The following ADGRL3 variants were observed in gnomAD, a reference collection of about 807,000 sequenced individuals.
ADGRL3 encodes calcium-independent alpha-latrotoxin receptor 3.
Under a neutral mutation model 153.5 loss-of-function variants are expected in ADGRL3, and 62 were observed. The ratio of observed to expected loss-of-function variants is 0.40; its 90% confidence interval spans 0.33 to 0.50. ADGRL3 has a LOEUF of 0.50. Among genes scored for constraint, ADGRL3 ranks in the 20% least tolerant of loss-of-function variants. The pLI is 0.47. For missense variants in ADGRL3, 1,641 were observed against 1,859.4 expected, an observed-to-expected ratio of 0.88 and a Z score of 2.16; for synonymous variants, 710 against 672.5, an observed-to-expected ratio of 1.06 and a Z score of -0.86.
chr4:61,529,440 T>G (rs2098598450), intron 4 of ADGRL3, among the ~76,000 whole-genome samples: 1 of 152,218 alleles, frequency 6.6e-6, no homozygotes, highest in South Asian at 2.1e-4. Context: ...CACCTGCTAT[T>G]CTGCAGTAAT....
intron 1 of ADGRL3, among the ~76,000 whole-genome samples, chr4:61,309,318 G>T (rs1024739450): frequency 1.3e-5 from 2 of 151,902 alleles, no homozygotes; most frequent in Non-Finnish European, 2.9e-5. Flanking sequence ...TGGGGATTTG[G>T]GTCAAGTCAT....
At chr4:61,270,265 G>A (rs948771989) in intron 1 of ADGRL3, among the ~76,000 whole-genome samples, 1 of 151,680 alleles carries the variant, frequency 6.6e-6, no homozygotes, top group Non-Finnish European at 1.5e-5. Context: ...TGTAGGCTCT[G>A]TAAGTGCCAG....
chr4:62,057,716 C>T (rs1158418337), intron 25 of ADGRL3, among the ~76,000 whole-genome samples: 3 of 152,166 alleles, frequency 2.0e-5, no homozygotes, highest in Non-Finnish European at 4.4e-5. Context: ...CTTGCTCTGT[C>T]GCCCAGGCTG....
chr4:61,464,997 G>A (rs2097862337), intron 2 of ADGRL3, among the ~76,000 whole-genome samples: 2 of 152,146 alleles, frequency 1.3e-5, no homozygotes, highest in Admixed American at 1.3e-4. Context: ...CTTCAGAAAT[G>A]TCCATGATAA....
At chr4:61,931,223 T>C (rs2098816255) in intron 13 of ADGRL3, among the ~76,000 whole-genome samples, 1 of 152,168 alleles carries the variant, frequency 6.6e-6, no homozygotes, top group Non-Finnish European at 1.5e-5. Flanking sequence ...AAGCTCCAGG[T>C]AGTATAGGCT....
At chr4:61,546,167 T>C (rs888250531) in intron 4 of ADGRL3, among the ~76,000 whole-genome samples, 2 of 152,058 alleles carry the variant, frequency 1.3e-5, no homozygotes, top group Non-Finnish European at 2.9e-5. Flanking sequence ...ACAAATTGAG[T>C]CATATCTCTC....
chr4:62,035,991 A>G (rs1323386345), intron 23 of ADGRL3, among the ~76,000 whole-genome samples: 1 of 152,134 alleles, frequency 6.6e-6, no homozygotes, highest in Non-Finnish European at 1.5e-5. Context: ...CTACAGATGC[A>G]TCTTAGAAAC....
intron 1 of ADGRL3, among the ~76,000 whole-genome samples, chr4:61,273,872 A>C (rs917630453): frequency 1.3e-5 from 2 of 152,132 alleles, no homozygotes; most frequent in African/African-American, 4.8e-5. Flanking sequence ...TCCCACAACG[A>C]TATCTGTTCC....
At chr4:61,654,397 T>A (rs1045528612) in intron 5 of ADGRL3, among the ~76,000 whole-genome samples, 1 of 152,090 alleles carries the variant, frequency 6.6e-6, no homozygotes, top group African/African-American at 2.4e-5. Context: ...TACTCATTAT[T>A]AACTATGGGG....
chr4:61,587,195 G>A, intron 4 of ADGRL3, 32 bp from the exon 5 acceptor site: 2 of 1,478,584 alleles, frequency 1.4e-6, no homozygotes, highest in Non-Finnish European at 1.9e-6. Context: ...TAGTAACGAT[G>A]GCATCTCTTT....
rs535869784 is a variant in ADGRL3, at chr4:61,892,796, G to A, written c.1621G>A (p.Ala541Thr). ...RNRSTSTPSP[A>T]VEVLDDMTTH... ...CCGGAGTACTAGTACCCCATCTCCAGCTGTCGAGGTACTTGATGACATGAC... is the reference window on the plus strand; with the variant it reads ...CCGGAGTACTAGTACCCCATCTCCAACTGTCGAGGTACTTGATGACATGAC... Residue 541 changes from alanine to threonine, a missense_variant, in exon 10 of 27, where the codon GCT becomes ACT. Ala to Thr is a moderately conservative substitution (Grantham distance 58). Coordinates refer to ENST00000683033, the MANE Select transcript of ADGRL3 (RefSeq NM_001387552.1). 2 of 1,613,756 alleles carry A rather than the reference G, an allele frequency of 1.2e-6. No individual in the cohort carries two copies. The highest frequency in any genetic ancestry group is 2.7e-5 in the African/African-American group (2 of 74,902).
chr4:61,353,560 A>G (rs1214502899), intron 1 of ADGRL3, among the ~76,000 whole-genome samples: 1 of 151,012 alleles, frequency 6.6e-6, no homozygotes, highest in Non-Finnish European at 1.5e-5. Context: ...AGCTGGGACT[A>G]CAGATGTGTA....
chr4:61,763,298 C>G (rs752587128), intron 8 of ADGRL3, among the ~76,000 whole-genome samples: 9 of 151,496 alleles, frequency 5.9e-5, no homozygotes, highest in Non-Finnish European at 1.0e-4. Flanking sequence ...AACAATTCTC[C>G]TACCTCAGCC....
At chr4:61,907,511 C>A (rs1042430956) in intron 11 of ADGRL3, among the ~76,000 whole-genome samples, 1 of 151,844 alleles carries the variant, frequency 6.6e-6, no homozygotes, top group African/African-American at 2.4e-5. Context: ...CCCGCCTCAG[C>A]CTCCCAAAGT....
chr4:61,701,886 T>C (rs1473188783), intron 6 of ADGRL3, among the ~76,000 whole-genome samples: 1 of 152,072 alleles, frequency 6.6e-6, no homozygotes, highest in African/African-American at 2.4e-5. Flanking sequence ...CTTGAGTTGT[T>C]AGGATCTGAG....
Position 61,863,739 on chromosome 4 carries a change from T to A in ADGRL3, c.1481-28917T>A, listed in dbSNP as rs114962801. On this transcript the variant is annotated intron_variant, in intron 9 of 26. Transcript: ENST00000683033. ...CATTTTGTAACTTTAAGGTAATAAC[T>A]TTTTATTGGCAACAAAAGGCACAAA... Among the ~76,000 whole-genome samples, 868 of 152,320 alleles carry A rather than the reference T, an allele frequency of 5.7e-3. 12 individuals are homozygous for A. The highest frequency in any genetic ancestry group is 0.02 in the African/African-American group (835 of 41,580).
At chr4:62,007,339 G>T (rs1321554914) in intron 21 of ADGRL3, among the ~76,000 whole-genome samples, 11 of 92,574 alleles carry the variant, frequency 1.2e-4, no homozygotes, top group South Asian at 3.3e-4. Context: ...AGAGCTCAGG[G>T]CAAGAGGACA....
intron 9 of ADGRL3, among the ~76,000 whole-genome samples, chr4:61,849,083 G>C (rs1025725451): frequency 2.6e-5 from 4 of 152,256 alleles, no homozygotes; most frequent in African/African-American, 9.6e-5. Flanking sequence ...GCAGTAACCA[G>C]CATCCTAATG....
At chr4:61,794,580 C>G (rs561250603) in intron 8 of ADGRL3, among the ~76,000 whole-genome samples, 4 of 152,238 alleles carry the variant, frequency 2.6e-5, no homozygotes, top group African/African-American at 9.6e-5. Context: ...TGATTCATTT[C>G]TTGTTGTCTA....
Sources: gnomAD v4.1 joint callset for allele counts (sites outside exome capture counted in the v4.1 genomes callset) on GRCh38, gnomAD v4.1.1 for gene constraint, MANE v1.5 for transcripts, NCBI Gene and HGNC (gene_info 2026-07-23, HGNC 2026-07-21) for gene names.